Variants in CD36 observed in about 807,000 individuals in gnomAD.
The protein encoded by CD36 is platelet glycoprotein 4.
Under a neutral mutation model 55.2 loss-of-function variants are expected in CD36, and 119 were observed. The ratio of observed to expected loss-of-function variants is 2.15; its 90% CI spans 1.86 to 2.51. CD36 has a LOEUF of 2.51. Among genes scored for constraint, CD36 ranks in the 30% most tolerant of loss-of-function variants. The pLI, the probability that CD36 is intolerant of heterozygous loss-of-function variation, is 0.00. For missense variants in CD36, 819 were observed against 555.5 expected (o/e 1.47, Z -4.77); for synonymous variants, 186 against 193.6 (o/e 0.96, Z 0.33).
chr7:80,620,246 T>A (rs907201923), intron 1 of CD36, among the ~76,000 whole-genome samples: 2 of 151,996 alleles, frequency 1.3e-5, no homozygotes, highest in Admixed American at 1.3e-4. Context: ...ACTATCTACA[T>A]GGAAATAGTT....
At chr7:80,667,811 G>A (rs914518744) in intron 8 of CD36, among the ~76,000 whole-genome samples, 1 of 141,730 alleles carries the variant, frequency 7.1e-6, no homozygotes, top group African/African-American at 2.7e-5. Context: ...GTGCAGTGGT[G>A]CGATCTCGGC....
rs1794023694 is a variant in CD36, at chr7:80,630,674, C to T, written c.-183-15414C>T. Among the ~76,000 whole-genome samples the T allele has an allele frequency of 2.0e-5, 3 of 152,058 alleles. No homozygotes were observed. The South Asian group carries it at 6.2e-4, about 32-fold the overall frequency. On this transcript the variant is annotated intron_variant, in intron 1 of 13. Transcript: ENST00000309881. The stretch of plus-strand genomic sequence containing the variant: ...TTTGTTCACTGCAGGCTCCTTTCCT[C>T]CTGCCTATTTTGATTACCCAATTTT...
At chr7:80,653,842 G>A (rs923820553) in intron 3 of CD36, among the ~76,000 whole-genome samples, 2 of 151,982 alleles carry the variant, frequency 1.3e-5, no homozygotes, top group South Asian at 2.1e-4. Flanking sequence ...TTACTACTTC[G>A]ACTACTTCAA....
upstream of CD36, among the ~76,000 whole-genome samples, chr7:80,634,605 C>G (rs187090184): frequency 1.3e-5 from 2 of 152,116 alleles, no homozygotes; most frequent in African/African-American, 4.8e-5. Context: ...AGGAATCACA[C>G]GGGCCATGTG....
rs755288245 is a variant in CD36 at position 80,664,388 on chromosome 7, C to G, written c.610-18C>G. ...AAATGACTTGTAGAAGTAACATTTT[C>G]CCATACATATATTTCAGTACAACAA... On this transcript the variant is annotated intron_variant, in intron 6 of 14. Transcript: ENST00000447544. 3.9e-6 allele frequency: 5 copies of G among 1,290,552 alleles called. No individual in the cohort carries two copies. The South Asian group carries it at 5.9e-5, about 15-fold the overall frequency. The allele number at this position is 1,290,552 out of a possible 1,614,324, so 79.9% of individuals were successfully genotyped here. A position where few individuals can be genotyped will look rare whatever the true frequency, so the allele number is the denominator to read the frequency against.
At chr7:80,657,813 C>A (rs1209388860) in intron 4 of CD36, among the ~76,000 whole-genome samples, 1 of 152,164 alleles carries the variant, frequency 6.6e-6, no homozygotes, top group African/African-American at 2.4e-5. Flanking sequence ...CATGGATAAT[C>A]ACAACTAGTT....
At chr7:80,662,152 G>A (rs569677599) in intron 5 of CD36, among the ~76,000 whole-genome samples, 1 of 152,280 alleles carries the variant, frequency 6.6e-6, no homozygotes, top group South Asian at 2.1e-4. Context: ...CACATCCACA[G>A]CACATCCTAA....
At position 80,671,991 on chromosome 7, in the gene CD36, G is replaced by A. The variant is rs2116872074; in HGVS notation, c.1076G>A (p.Gly359Glu). 1 of 1,609,130 alleles carries A rather than the reference G, an allele frequency of 6.2e-7. No homozygotes were observed. Among genetic ancestry groups the A allele is most frequent in the Middle Eastern group, 1.7e-4 (1 of 5,900 alleles). ...CCTGATGTTTCAGAACCTATTGATGGATTAAACCCAAATGAAGAAGAACAT... is the reference window on the plus strand; with the variant it reads ...CCTGATGTTTCAGAACCTATTGATGAATTAAACCCAAATGAAGAAGAACAT... The part of the protein sequence containing the change: ...ASPDVSEPID[G>E]LNPNEEEHRT... Residue 359 changes from glycine to glutamate, a missense_variant, in exon 11 of 15, where the codon GGA becomes GAA. By Grantham distance (98) the Gly-to-Glu change is moderately conservative (BLOSUM62 -2). Coordinates refer to ENST00000447544, the MANE Select transcript of CD36 (RefSeq NM_001001548.3).
At chr7:80,629,632 T>A (rs1031992231) in intron 1 of CD36, among the ~76,000 whole-genome samples, 1 of 151,814 alleles carries the variant, frequency 6.6e-6, no homozygotes, top group Admixed American at 6.6e-5. Flanking sequence ...AGATGTGGAG[T>A]TGTGAAGTCT....
intron 1 of CD36, among the ~76,000 whole-genome samples, chr7:80,639,234 C>CCA (rs1794650304): frequency 6.6e-6 from 1 of 151,842 alleles, no homozygotes; most frequent in Admixed American, 6.6e-5. Context: ...CTGAATTGCA[C>CCA]AACTTTTGGT....
At chr7:80,642,090 G>A (rs555912516) in intron 1 of CD36, among the ~76,000 whole-genome samples, 1 of 152,180 alleles carries the variant, frequency 6.6e-6, no homozygotes, top group East Asian at 1.9e-4. Context: ...ATCAAGAAAG[G>A]CATGTAATTA....
rs913375627 is a variant in CD36, at chr7:80,661,410, AT to A, written c.429+207del. On this transcript the variant is annotated intron_variant, in intron 5 of 14. Transcript: ENST00000447544. Reference sequence around the variant, plus strand: ...ATCGACTGCATTAGAAGACCACTTTATTTTTTTCATTATTTTTTGTCGAAAC... The same window carrying A: ...ATCGACTGCATTAGAAGACCACTTTATTTTTTCATTATTTTTTGTCGAAAC... Among the ~76,000 whole-genome samples the A allele has an allele frequency of 3.9e-5, 6 of 152,196 alleles. 1 individual carries two copies. Among genetic ancestry groups the A allele is most frequent in the East Asian group, 1.9e-4 (1 of 5,178 alleles).
chr7:80,626,745 C>T (rs1158060139), intron 1 of CD36, among the ~76,000 whole-genome samples: 1 of 151,932 alleles, frequency 6.6e-6, no homozygotes, highest in African/African-American at 2.4e-5. Flanking sequence ...TACATTTTTG[C>T]AATTGTGGGA....
chr7:80,604,145 G>A lies in CD36; in HGVS notation c.-184+1766G>A, dbSNP rs947289207. On this transcript the variant is annotated intron_variant, in intron 1 of 13. Coordinates refer to the CD36 transcript ENST00000309881. Reference sequence around the variant, plus strand: ...AGGAGGTACTAGAGGAGGGGAATGAGGTTGGGTTTCCATATCATGTGACTA... The same window carrying A: ...AGGAGGTACTAGAGGAGGGGAATGAAGTTGGGTTTCCATATCATGTGACTA... Among the ~76,000 whole-genome samples, 4 of 151,990 alleles carry A rather than the reference G, an allele frequency of 2.6e-5. No homozygotes were observed. In the South Asian group the frequency reaches 6.2e-4, roughly 24 times the overall value.
chr7:80,630,757 G>A (rs1794029601), intron 1 of CD36, among the ~76,000 whole-genome samples: 1 of 152,016 alleles, frequency 6.6e-6, no homozygotes, highest in African/African-American at 2.4e-5. Context: ...CTTGGATCAA[G>A]TCCAGAAAAT....
intron 1 of CD36, among the ~76,000 whole-genome samples, chr7:80,628,518 T>G (rs1210415828): frequency 2.0e-5 from 3 of 152,046 alleles, no homozygotes; most frequent in African/African-American, 4.8e-5. Flanking sequence ...GCAGAAACAC[T>G]TTTTTTCTCC....
intron 1 of CD36, among the ~76,000 whole-genome samples, chr7:80,620,568 C>T (rs1793407814): frequency 6.6e-6 from 1 of 152,132 alleles, no homozygotes; most frequent in Non-Finnish European, 1.5e-5. Flanking sequence ...TATCAAGAAG[C>T]TCACCAAACC....
At position 80,673,870 on chromosome 7, in the gene CD36, T is replaced by C; in HGVS notation, c.1255-113T>C. The stretch of plus-strand genomic sequence containing the variant: ...GAATTCCATTAACTTGCCTTATAGA[T>C]ACTGATGACTAACACCAATAGAGGT... On this transcript the variant is annotated intron_variant, in intron 13 of 14. Transcript: ENST00000447544. The C allele has an allele frequency of 8.9e-6, 7 of 786,446 alleles. 1 individual carries two copies. In the Admixed American group the frequency reaches 1.0e-4, roughly 11 times the overall value. The allele number at this position is 786,446 out of a possible 1,614,324, so 48.7% of individuals were successfully genotyped here.
chr7:80,675,600 CT>C (rs921507045), intron 14 of CD36, among the ~76,000 whole-genome samples: 29 of 151,764 alleles, frequency 1.9e-4, no homozygotes, highest in African/African-American at 7.0e-4. Flanking sequence ...AATTACTACC[CT>C]TTTTTACAAG....
Sources: allele counts gnomAD v4.1 joint callset (sites outside exome capture counted in the v4.1 genomes callset), GRCh38; gene constraint gnomAD v4.1.1; transcripts MANE v1.5; gene names NCBI Gene and HGNC (gene_info 2026-07-23, HGNC 2026-07-21).